The following PARD3 variants were observed in gnomAD, a reference collection of about 807,000 sequenced individuals.
PARD3 encodes the protein partitioning defective 3 homolog.
Under a neutral mutation model 155.4 loss-of-function variants are expected in PARD3, and 75 were observed. The observed-to-expected ratio is 0.48, with a 90% CI of 0.40 to 0.58. PARD3 has a LOEUF of 0.58. Ranked by LOEUF, PARD3 falls within the 20% of genes least tolerant of loss-of-function variation. The pLI, the probability that PARD3 is intolerant of heterozygous loss-of-function variation, is 0.00. For synonymous variants in PARD3, 576 were observed against 610.5 expected (o/e 0.94, Z 0.83); for missense variants, 1,642 against 1,721.7 (o/e 0.95, Z 0.82).
intron 2 of PARD3, among the ~76,000 whole-genome samples, chr10:34,652,716 G>C (rs2093048985): frequency 6.6e-6 from 1 of 152,144 alleles, no homozygotes; most frequent in Non-Finnish European, 1.5e-5. Flanking sequence ...GATTTCCCTA[G>C]AAGACTCCAT....
intron 22 of PARD3, among the ~76,000 whole-genome samples, chr10:34,229,083 C>A (rs1952774661): frequency 2.0e-5 from 3 of 152,060 alleles, no homozygotes; most frequent in South Asian, 4.1e-4. Flanking sequence ...ACTGGGTCCC[C>A]TGTCCCTTTG....
chr10:34,159,503 T>C (rs554463289), intron 22 of PARD3, among the ~76,000 whole-genome samples: 15 of 152,340 alleles, frequency 9.8e-5, no homozygotes, highest in Admixed American at 5.9e-4. Flanking sequence ...CCAAGAAATG[T>C]TGAGGTAATC....
chr10:34,550,278 G>C (rs1454767742), intron 2 of PARD3, among the ~76,000 whole-genome samples: 1 of 152,172 alleles, frequency 6.6e-6, no homozygotes, highest in Non-Finnish European at 1.5e-5. Context: ...CTGGAGTGCA[G>C]TGGTAGGATC....
At chr10:34,129,698 C>CTATTTTTTT (rs1346445542) in intron 23 of PARD3, among the ~76,000 whole-genome samples, 1 of 59,714 alleles carries the variant, frequency 1.7e-5, no homozygotes, top group African/African-American at 5.5e-5. Flanking sequence ...AATGTCAAGC[C>CTATTTTTTT]TCTTTTTTTT....
chr10:34,809,838 A>G (rs561754039), intron 1 of PARD3, among the ~76,000 whole-genome samples: 2 of 152,244 alleles, frequency 1.3e-5, no homozygotes, highest in South Asian at 4.1e-4. Flanking sequence ...ATAAATAAAT[A>G]AAGCTGCTTT....
chr10:34,677,089 G>T (rs1407873100), intron 2 of PARD3, among the ~76,000 whole-genome samples: 1 of 152,198 alleles, frequency 6.6e-6, no homozygotes, highest in Admixed American at 6.5e-5. Flanking sequence ...AGTTTCTGCG[G>T]AAGGAAGTAT....
chr10:34,460,279 C>A (rs896264503), intron 4 of PARD3, among the ~76,000 whole-genome samples: 1 of 152,032 alleles, frequency 6.6e-6, no homozygotes, highest in Non-Finnish European at 1.5e-5. Flanking sequence ...ATTTGAGTAA[C>A]GTCTATTGAA....
chr10:34,589,636 CAAAAA>C (rs35357373), intron 2 of PARD3, among the ~76,000 whole-genome samples: 2 of 84,280 alleles, frequency 2.4e-5, no homozygotes, highest in Admixed American at 2.9e-4. Context: ...AGTACATGTC[CAAAAA>C]AAAAAAAAAA....
At chr10:34,459,627 T>A (rs1201161390) in intron 4 of PARD3, among the ~76,000 whole-genome samples, 1 of 152,138 alleles carries the variant, frequency 6.6e-6, no homozygotes, top group Non-Finnish European at 1.5e-5. Context: ...ATACTTATAG[T>A]GGTTGCCTAA....
Position 34,179,165 on chromosome 10 carries a change from C to T in PARD3, c.3420-47582G>A, listed in dbSNP as rs551145233. 2.1e-3 allele frequency among the ~76,000 whole-genome samples: 208 copies of T among 98,750 alleles called. 1 individual carries two copies. Among genetic ancestry groups the T allele is most frequent in the African/African-American group, 0.014 (189 of 13,432 alleles). 64.8% of individuals were successfully genotyped at this position (98,750 alleles called of 152,430 possible). ...TTCATTTATAGCACGCATGTGCGTGCGCGCACACACACACACACACACACA... is the reference window on the plus strand; with the variant it reads ...TTCATTTATAGCACGCATGTGCGTGTGCGCACACACACACACACACACACA... On this transcript the variant is annotated intron_variant, in intron 22 of 24. Transcript: ENST00000374788.
intron 16 of PARD3, among the ~76,000 whole-genome samples, chr10:34,338,629 T>A (rs1279589441): frequency 1.3e-5 from 2 of 152,112 alleles, no homozygotes; most frequent in African/African-American, 4.8e-5. Flanking sequence ...TCCATACTAG[T>A]AAAAAAACAG....
intron 12 of PARD3, among the ~76,000 whole-genome samples, chr10:34,371,494 A>C (rs979433097): frequency 2.0e-5 from 1 of 50,986 alleles, no homozygotes; most frequent in African/African-American, 1.4e-4. Context: ...CTCAAAAAAA[A>C]AAAAAAAAAA....
At position 34,805,772 on chromosome 10, in the gene PARD3, C is replaced by A. The variant is rs534011801; in HGVS notation, c.120+9104G>T. ...CAGGCGGATCACGAGGTCAGGAGAT[C>A]GAGACCATCCTGGCTAACACGGTGA... On this transcript the variant is annotated intron_variant, in intron 1 of 24. Transcript: ENST00000374788. Among the ~76,000 whole-genome samples, 10 of 151,922 alleles carry A rather than the reference C, an allele frequency of 6.6e-5. No homozygotes were observed. In the South Asian group the frequency reaches 2.1e-3, roughly 32 times the overall value.
intron 5 of PARD3, among the ~76,000 whole-genome samples, chr10:34,407,571 A>G (rs1304317607): frequency 6.6e-6 from 1 of 152,184 alleles, no homozygotes; most frequent in Non-Finnish European, 1.5e-5. Flanking sequence ...CGATTTACCA[A>G]TCAGTGGTTA....
chr10:34,359,775 G>A (rs183044105), intron 13 of PARD3, among the ~76,000 whole-genome samples: 2 of 152,258 alleles, frequency 1.3e-5, no homozygotes, highest in African/African-American at 4.8e-5. Context: ...AAAGATTAAC[G>A]TCTACTATAC....
At chr10:34,387,228 T>C (rs1053515937) in intron 7 of PARD3, among the ~76,000 whole-genome samples, 2 of 152,212 alleles carry the variant, frequency 1.3e-5, no homozygotes, top group Non-Finnish European at 2.9e-5. Context: ...TTTTATGTAT[T>C]ATATTTTGTG....
intron 2 of PARD3, among the ~76,000 whole-genome samples, chr10:34,518,925 C>T (rs745627312): frequency 1.6e-4 from 25 of 152,140 alleles, no homozygotes; most frequent in Non-Finnish European, 2.9e-4. Context: ...CCCAGGTTAA[C>T]GTCATTCATA....
intron 2 of PARD3, among the ~76,000 whole-genome samples, chr10:34,587,903 G>A (rs1019700816): frequency 2.0e-5 from 3 of 152,142 alleles, no homozygotes; most frequent in Non-Finnish European, 4.4e-5. Context: ...GGAATCACCC[G>A]TATACTCACA....
intron 3 of PARD3, among the ~76,000 whole-genome samples, chr10:34,503,625 G>A (rs1412590232): frequency 6.6e-6 from 1 of 152,172 alleles, no homozygotes; most frequent in African/African-American, 2.4e-5. Flanking sequence ...TGTGTGATAT[G>A]GTAGAAACAC....
Sources: gnomAD v4.1 joint callset for allele counts (sites outside exome capture counted in the v4.1 genomes callset) on GRCh38, gnomAD v4.1.1 for gene constraint, MANE v1.5 for transcripts, NCBI Gene and HGNC (gene_info 2026-07-23, HGNC 2026-07-21) for gene names.